The following PDE4D variants were observed in gnomAD, a reference collection of about 807,000 sequenced individuals.
PDE4D encodes the protein phosphodiesterase 4D.
A neutral mutation model predicts 87.4 loss-of-function variants in PDE4D; 24 were observed. The observed-to-expected ratio is 0.27, with a 90% CI of 0.20 to 0.39. The LOEUF (loss-of-function observed/expected upper bound fraction) is 0.39. Ranked by LOEUF, PDE4D falls within the 10% of genes least tolerant of loss-of-function variation. The probability of loss-of-function intolerance (pLI) is 1.00; values close to 1 mark genes in which losing one functional copy is unlikely to be tolerated. For synonymous variants in PDE4D, 384 were observed against 383.2 expected (o/e 1.00, Z -0.02); for missense variants, 714 against 1,041.0 (o/e 0.69, Z 4.32).
At chr5:60,038,260 C>G (rs1337408577) in intron 2 of PDE4D, among the ~76,000 whole-genome samples, 1 of 152,066 alleles carries the variant, frequency 6.6e-6, no homozygotes, top group Non-Finnish European at 1.5e-5. Context: ...GGTTTTAGGT[C>G]TAATGTTTAA....
chr5:59,323,604 G>A (rs188690061), intron 1 of PDE4D, among the ~76,000 whole-genome samples: 1 of 152,046 alleles, frequency 6.6e-6, no homozygotes, highest in East Asian at 1.9e-4. Context: ...TATTAACCAA[G>A]TCCTGTTTAG....
intron 1 of PDE4D, among the ~76,000 whole-genome samples, chr5:59,792,117 A>C (rs1222457618): frequency 1.3e-5 from 2 of 152,176 alleles, no homozygotes; most frequent in Non-Finnish European, 2.9e-5. Flanking sequence ...CTCAGAGAAG[A>C]GATAAATCCA....
chr5:59,688,528 A>G (rs1332627464), intron 1 of PDE4D, among the ~76,000 whole-genome samples: 2 of 152,218 alleles, frequency 1.3e-5, no homozygotes, highest in Non-Finnish European at 2.9e-5. Flanking sequence ...CAATGAGAAC[A>G]AAGACACAAC....
intron 1 of PDE4D, among the ~76,000 whole-genome samples, chr5:60,298,238 A>G (rs564207468): frequency 1.3e-5 from 2 of 152,162 alleles, no homozygotes; most frequent in African/African-American, 2.4e-5. Context: ...TTTTTCCTCA[A>G]TCTCTCCTGT....
At chr5:59,279,315 G>A (rs1302907709) in intron 1 of PDE4D, among the ~76,000 whole-genome samples, 2 of 152,068 alleles carry the variant, frequency 1.3e-5, no homozygotes, top group Non-Finnish European at 2.9e-5. Flanking sequence ...ACGTTAATGA[G>A]AATAAGACAC....
chr5:60,438,602 G>T (rs1010162251), intron 1 of PDE4D, among the ~76,000 whole-genome samples: 1 of 151,982 alleles, frequency 6.6e-6, no homozygotes, highest in African/African-American at 2.4e-5. Flanking sequence ...ACCCAAGTCA[G>T]TCTACACAGA....
intron 1 of PDE4D, among the ~76,000 whole-genome samples, chr5:59,449,316 C>T (rs1453005945): frequency 6.6e-6 from 1 of 152,150 alleles, no homozygotes; most frequent in Non-Finnish European, 1.5e-5. Context: ...AGGTTCATTA[C>T]CAAGAAATGT....
chr5:60,398,750 G>GATTTAC (rs1561207853), intron 1 of PDE4D, among the ~76,000 whole-genome samples: 1 of 152,040 alleles, frequency 6.6e-6, no homozygotes. Flanking sequence ...CTTAATATGG[G>GATTTAC]ATTTACATAT....
chr5:60,208,822 T>C (rs926899590), intron 1 of PDE4D, among the ~76,000 whole-genome samples: 2 of 152,092 alleles, frequency 1.3e-5, no homozygotes, highest in African/African-American at 4.8e-5. Context: ...ACCGTTATCC[T>C]AGACCTGACG....
At chr5:59,383,595 C>G (rs1786353038) in intron 1 of PDE4D, among the ~76,000 whole-genome samples, 1 of 152,110 alleles carries the variant, frequency 6.6e-6, no homozygotes, top group African/African-American at 2.4e-5. Context: ...ATAAGCTACA[C>G]AGAAATAGGG....
At chr5:59,574,118 A>T (rs1351228297) in intron 1 of PDE4D, among the ~76,000 whole-genome samples, 1 of 3,592 alleles carries the variant, frequency 2.8e-4, no homozygotes, top group African/African-American at 5.2e-4. Context: ...ATATATATAT[A>T]AATATATATT....
At chr5:60,227,542 G>A (rs1312965923) in intron 1 of PDE4D, among the ~76,000 whole-genome samples, 1 of 143,248 alleles carries the variant, frequency 7.0e-6, no homozygotes, top group East Asian at 2.3e-4. Context: ...AAGGGAGGAG[G>A]AGAGGAAGGG....
chr5:59,028,797 T>C (rs2153382667), intron 6 of PDE4D, among the ~76,000 whole-genome samples: 1 of 152,312 alleles, frequency 6.6e-6, no homozygotes, highest in East Asian at 1.9e-4. Flanking sequence ...AATAAATTAG[T>C]CTCTAAATTG....
At chr5:59,080,862 G>A (rs1766608727) in intron 5 of PDE4D, among the ~76,000 whole-genome samples, 2 of 152,134 alleles carry the variant, frequency 1.3e-5, no homozygotes, top group Admixed American at 1.3e-4. Context: ...ATATGAAGGA[G>A]ATAGCATATA....
At chr5:59,959,986 A>C (rs1016993338) in intron 3 of PDE4D, among the ~76,000 whole-genome samples, 1 of 152,180 alleles carries the variant, frequency 6.6e-6, no homozygotes, top group Admixed American at 6.6e-5. Flanking sequence ...TAAGAAACTT[A>C]TACAAATCAA....
intron 1 of PDE4D, among the ~76,000 whole-genome samples, chr5:59,764,343 AC>A (rs1762518726): frequency 1.3e-5 from 2 of 152,236 alleles, no homozygotes; most frequent in Admixed American, 1.3e-4. Flanking sequence ...ACATAATTGT[AC>A]TTAATTAAAC....
intron 2 of PDE4D, among the ~76,000 whole-genome samples, chr5:60,019,491 G>T (rs1765834441): frequency 6.6e-6 from 1 of 152,150 alleles, no homozygotes; most frequent in Non-Finnish European, 1.5e-5. Context: ...CTGTTATTTA[G>T]TGTAGCCACT....
At chr5:59,612,386 C>T (rs1829128419) in intron 1 of PDE4D, among the ~76,000 whole-genome samples, 1 of 151,776 alleles carries the variant, frequency 6.6e-6, no homozygotes, top group Non-Finnish European at 1.5e-5. Context: ...TCTGACAATC[C>T]AATAATTTAT....
At chr5:60,401,375 GA>G (rs1249095227) in intron 1 of PDE4D, among the ~76,000 whole-genome samples, 1 of 152,158 alleles carries the variant, frequency 6.6e-6, no homozygotes, top group Non-Finnish European at 1.5e-5. Context: ...AAGGGCAAAT[GA>G]TGATAAAAAG....
Sources: gnomAD v4.1 joint callset for allele counts (sites outside exome capture counted in the v4.1 genomes callset) on GRCh38, gnomAD v4.1.1 for gene constraint, MANE v1.5 for transcripts, NCBI Gene and HGNC (gene_info 2026-07-23, HGNC 2026-07-21) for gene names.